Variants in MECOM observed in about 807,000 individuals in gnomAD.
MECOM encodes the protein MDS1 and EVI1 complex locus, also known as histone-lysine N-methyltransferase MECOM.
Under a neutral mutation model 116.3 loss-of-function variants are expected in MECOM, and 13 were observed. That is an observed-to-expected ratio of 0.11 (90% confidence interval 0.07 to 0.18). The LOEUF (loss-of-function observed/expected upper bound fraction) is 0.18. Ranked by LOEUF, MECOM falls within the 10% of genes least tolerant of loss-of-function variation. The pLI is 1.00. For missense variants in MECOM, 1,299 were observed against 1,509.0 expected, an observed-to-expected ratio of 0.86 and a Z score of 2.31; for synonymous variants, 528 against 535.2, an observed-to-expected ratio of 0.99 and a Z score of 0.19.
chr3:169,298,300 A>T (rs1716024081), intron 2 of MECOM, among the ~76,000 whole-genome samples: 1 of 152,106 alleles, frequency 6.6e-6, no homozygotes, highest in African/African-American at 2.4e-5. Context: ...TATCAATATG[A>T]AGACACATAT....
chr3:169,599,896 G>A (rs1409286753), intron 1 of MECOM, among the ~76,000 whole-genome samples: 5 of 152,158 alleles, frequency 3.3e-5, no homozygotes, highest in Non-Finnish European at 7.3e-5. Flanking sequence ...CCAGTTAAAA[G>A]GAAGTCATAA....
At chr3:169,462,801 A>G (rs186396727) in intron 1 of MECOM, among the ~76,000 whole-genome samples, 6 of 152,314 alleles carry the variant, frequency 3.9e-5, no homozygotes, top group African/African-American at 1.4e-4. Context: ...AATATAGTCT[A>G]TATTCTAGGA....
chr3:169,273,631 T>C (rs1759220579), intron 2 of MECOM, among the ~76,000 whole-genome samples: 1 of 152,182 alleles, frequency 6.6e-6, no homozygotes, highest in Non-Finnish European at 1.5e-5. Context: ...AGTTTTATCT[T>C]AGGCGGTGTG....
At chr3:169,202,850 A>T (rs1463529323) in intron 2 of MECOM, among the ~76,000 whole-genome samples, 1 of 151,592 alleles carries the variant, frequency 6.6e-6, no homozygotes, top group Non-Finnish European at 1.5e-5. Context: ...AAGAGTTAAC[A>T]ATTAAGTCCA....
chr3:169,580,315 A>T (rs1360827457), intron 1 of MECOM, among the ~76,000 whole-genome samples: 1 of 152,078 alleles, frequency 6.6e-6, no homozygotes, highest in Non-Finnish European at 1.5e-5. Flanking sequence ...ATTTTGGTGG[A>T]CCCATCACCC....
chr3:169,316,375 A>C (rs1216388645), intron 2 of MECOM, among the ~76,000 whole-genome samples: 2 of 152,238 alleles, frequency 1.3e-5, no homozygotes, highest in Non-Finnish European at 2.9e-5. Flanking sequence ...AAACAGTTTC[A>C]TTATAAAACT....
intron 1 of MECOM, among the ~76,000 whole-genome samples, chr3:169,454,982 A>T (rs1006005936): frequency 1.3e-5 from 2 of 152,162 alleles, no homozygotes; most frequent in Non-Finnish European, 2.9e-5. Flanking sequence ...CTCCTCTTAC[A>T]ATCAGCCATG....
At chr3:169,533,621 T>C (rs2109167135) in intron 1 of MECOM, among the ~76,000 whole-genome samples, 1 of 143,860 alleles carries the variant, frequency 7.0e-6, no homozygotes, top group African/African-American at 2.6e-5. Flanking sequence ...GGCCTGGAGT[T>C]CATATTCATT....
chr3:169,183,901 G>C (rs1746370747), intron 2 of MECOM, among the ~76,000 whole-genome samples: 1 of 146,180 alleles, frequency 6.8e-6, no homozygotes, highest in Admixed American at 7.0e-5. Flanking sequence ...GTCTCCCTCT[G>C]TTGCCCAGGC....
chr3:169,661,054 G>A (rs1776215214), intron 1 of MECOM, among the ~76,000 whole-genome samples: 1 of 152,216 alleles, frequency 6.6e-6, no homozygotes, highest in African/African-American at 2.4e-5. Context: ...GATCGGAAAC[G>A]AGGCTCAGTT....
At chr3:169,361,799 C>T (rs1560175662) in intron 2 of MECOM, among the ~76,000 whole-genome samples, 1 of 151,788 alleles carries the variant, frequency 6.6e-6, no homozygotes, top group Non-Finnish European at 1.5e-5. Flanking sequence ...TACAGCCATG[C>T]TACATTTGAG....
chr3:169,569,310 A>C (rs572696740), intron 1 of MECOM, among the ~76,000 whole-genome samples: 1 of 152,298 alleles, frequency 6.6e-6, no homozygotes, highest in South Asian at 2.1e-4. Context: ...CACCCAATAC[A>C]AGAGCACCCA....
At chr3:169,269,634 T>TG (rs1342385302) in intron 2 of MECOM, among the ~76,000 whole-genome samples, 1 of 152,222 alleles carries the variant, frequency 6.6e-6, no homozygotes, top group Non-Finnish European at 1.5e-5. Flanking sequence ...GTTGGCCTCC[T>TG]GCTCAATAAA....
At chr3:169,422,560 A>G (rs1200025811) in intron 1 of MECOM, among the ~76,000 whole-genome samples, 1 of 152,118 alleles carries the variant, frequency 6.6e-6, no homozygotes, top group African/African-American at 2.4e-5. Context: ...CTAACAGTTC[A>G]GATCACATTC....
chr3:169,632,301 G>T (rs1772193907), intron 1 of MECOM, among the ~76,000 whole-genome samples: 1 of 151,800 alleles, frequency 6.6e-6, no homozygotes, highest in African/African-American at 2.4e-5. Flanking sequence ...TTAAAAATAG[G>T]TGCTAAAAAT....
At chr3:169,097,177 A>C (rs544910668) in intron 12 of MECOM, among the ~76,000 whole-genome samples, 8 of 152,120 alleles carry the variant, frequency 5.3e-5, no homozygotes, top group Non-Finnish European at 1.0e-4. Flanking sequence ...TACACAAATC[A>C]TGAGGAAGAG....
chr3:169,286,755 G>T (rs1713404224), intron 2 of MECOM, among the ~76,000 whole-genome samples: 1 of 152,134 alleles, frequency 6.6e-6, no homozygotes, highest in Admixed American at 6.5e-5. Context: ...AACAGCAACA[G>T]ACCCACATTA....
rs1578099734 is a variant in MECOM, at chr3:169,437,525, C to T, written c.38-56001G>A. Among the ~76,000 whole-genome samples, 4 of 152,118 alleles carry T rather than the reference C, an allele frequency of 2.6e-5. No individual in the cohort carries two copies. In the East Asian group the frequency reaches 7.7e-4, roughly 29 times the overall value. ...TTCACAAAAGCACCTTCTTTGATAA[C>T]CACAGAGATTCAAATTATAACTCTC... On this transcript the variant is annotated intron_variant, in intron 1 of 16. Coordinates refer to ENST00000651503, the MANE Select transcript of MECOM (RefSeq NM_004991.4).
At chr3:169,576,410 T>A (rs776196949) in intron 1 of MECOM, among the ~76,000 whole-genome samples, 5 of 152,126 alleles carry the variant, frequency 3.3e-5, no homozygotes, top group Admixed American at 6.5e-5. Context: ...TAGTTCAAGA[T>A]GAAATGCACC....
Sources: gnomAD v4.1 joint callset for allele counts (sites outside exome capture counted in the v4.1 genomes callset) on GRCh38, gnomAD v4.1.1 for gene constraint, MANE v1.5 for transcripts, NCBI Gene and HGNC (gene_info 2026-07-23, HGNC 2026-07-21) for gene names.